Variants in CMSS1 observed in about 807,000 individuals in gnomAD.
CMSS1 encodes cms1 ribosomal small subunit homolog.
In CMSS1, 33 loss-of-function variants were observed where a neutral mutation model predicts 43.5. That is an observed-to-expected ratio of 0.76 (90% CI 0.57 to 1.01). The LOEUF (loss-of-function observed/expected upper bound fraction) is 1.01. CMSS1 is among the 50% of genes least tolerant of loss of function. The probability of loss-of-function intolerance (pLI) is 0.00; values close to 1 mark genes in which losing one functional copy is unlikely to be tolerated. For missense variants in CMSS1, 313 were observed against 326.4 expected (o/e 0.96, Z 0.32); for synonymous variants, 115 against 117.2 (o/e 0.98, Z 0.12).
At chr3:99,942,160 C>G (rs78126099) in intron 1 of CMSS1, among the ~76,000 whole-genome samples, 2,230 of 151,670 alleles carry the variant, frequency 0.015, 54 homozygotes, top group African/African-American at 0.052. Context: ...CGAGATCGTG[C>G]CACTGCACTC....
intron 1 of CMSS1, among the ~76,000 whole-genome samples, chr3:99,873,444 T>G (rs193001561): frequency 8.0e-4 from 122 of 152,280 alleles, no homozygotes; most frequent in Non-Finnish European, 1.4e-3. Flanking sequence ...CAATATCCAG[T>G]CTTTTATAAA....
At chr3:100,109,913 C>CA (rs1230326728) in intron 1 of CMSS1, 1 of 123,174 alleles carries the variant, frequency 8.1e-6, no homozygotes, top group African/African-American at 3.0e-5. Context: ...ACCCCCCCCC[C>CA]CCAGCACCAC....
chr3:100,098,086 T>C (rs1468927443), intron 1 of CMSS1, among the ~76,000 whole-genome samples: 1 of 152,204 alleles, frequency 6.6e-6, no homozygotes, highest in African/African-American at 2.4e-5. Context: ...AGGGACTACT[T>C]TGACTCTTGG....
At chr3:100,089,172 C>T (rs780741274) in intron 1 of CMSS1, among the ~76,000 whole-genome samples, 1 of 152,146 alleles carries the variant, frequency 6.6e-6, no homozygotes, top group Admixed American at 6.5e-5. Context: ...AGCTACTTTG[C>T]TAATACATTC....
intron 1 of CMSS1, among the ~76,000 whole-genome samples, chr3:99,919,722 G>A (rs1707064165): frequency 1.3e-5 from 2 of 151,992 alleles, no homozygotes; most frequent in Admixed American, 1.3e-4. Flanking sequence ...TGGAAAAATA[G>A]GCCTGTCATA....
At chr3:99,896,797 T>C (rs959634837) in intron 1 of CMSS1, among the ~76,000 whole-genome samples, 2 of 152,218 alleles carry the variant, frequency 1.3e-5, no homozygotes, top group African/African-American at 4.8e-5. Context: ...TGTTCCACAA[T>C]ATATTCATAA....
chr3:99,987,828 A>G (rs1209773769), intron 1 of CMSS1, among the ~76,000 whole-genome samples: 1 of 152,248 alleles, frequency 6.6e-6, no homozygotes, highest in Non-Finnish European at 1.5e-5. Flanking sequence ...TTAACTTAAA[A>G]AATAACATTC....
At chr3:99,935,813 T>C (rs1576584982) in intron 1 of CMSS1, among the ~76,000 whole-genome samples, 2 of 152,216 alleles carry the variant, frequency 1.3e-5, no homozygotes, top group Admixed American at 1.3e-4. Context: ...TCAGTTTTAC[T>C]TGGGCTTAAG....
chr3:100,043,359 T>C (rs1047862678), intron 1 of CMSS1, among the ~76,000 whole-genome samples: 1 of 152,360 alleles, frequency 6.6e-6, no homozygotes, highest in Non-Finnish European at 1.5e-5. Context: ...TTTTCAGCTA[T>C]ATTAAATATT....
intron 1 of CMSS1, among the ~76,000 whole-genome samples, chr3:100,121,610 T>A (rs2066622869): frequency 6.6e-6 from 1 of 152,206 alleles, no homozygotes; most frequent in Admixed American, 6.5e-5. Flanking sequence ...TGTGTATGTC[T>A]TTATCATAGA....
At chr3:99,911,321 T>C (rs1706780860) in intron 1 of CMSS1, among the ~76,000 whole-genome samples, 1 of 148,514 alleles carries the variant, frequency 6.7e-6, no homozygotes, top group South Asian at 2.1e-4. Context: ...TTATATATTA[T>C]ATAATATATA....
At chr3:100,000,969 C>G (rs556072249) in intron 1 of CMSS1, among the ~76,000 whole-genome samples, 1 of 152,308 alleles carries the variant, frequency 6.6e-6, no homozygotes, top group African/African-American at 2.4e-5. Context: ...ACTATGTTTT[C>G]TATAAGATAA....
intron 1 of CMSS1, among the ~76,000 whole-genome samples, chr3:100,053,452 T>C (rs1483836603): frequency 6.6e-6 from 1 of 152,192 alleles, no homozygotes; most frequent in Non-Finnish European, 1.5e-5. Flanking sequence ...CTTTACATAG[T>C]TGTCTTCCCT....
intron 1 of CMSS1, among the ~76,000 whole-genome samples, chr3:99,965,519 CT>C (rs1411720055): frequency 1.3e-5 from 2 of 152,016 alleles, no homozygotes; most frequent in African/African-American, 4.8e-5. Context: ...CTTCCAGATA[CT>C]TTTCTTCATT....
intron 1 of CMSS1, among the ~76,000 whole-genome samples, chr3:100,028,236 G>A (rs2064962890): frequency 6.6e-6 from 1 of 152,170 alleles, no homozygotes; most frequent in Admixed American, 6.5e-5. Flanking sequence ...AGGAAACTCA[G>A]ACACACTGAA....
At chr3:100,075,887 G>T (rs1324666029) in intron 1 of CMSS1, among the ~76,000 whole-genome samples, 2 of 152,060 alleles carry the variant, frequency 1.3e-5, no homozygotes, top group Admixed American at 6.6e-5. Flanking sequence ...AATCCTTCTG[G>T]GGTATTAGGA....
At chr3:99,902,729 G>A (rs533497527) in intron 1 of CMSS1, among the ~76,000 whole-genome samples, 17 of 152,236 alleles carry the variant, frequency 1.1e-4, no homozygotes, top group African/African-American at 4.1e-4. Context: ...TAAAAATCAG[G>A]CATATCCATG....
At chr3:99,920,026 C>G (rs1400987781) in intron 1 of CMSS1, among the ~76,000 whole-genome samples, 1 of 152,198 alleles carries the variant, frequency 6.6e-6, no homozygotes, top group Non-Finnish European at 1.5e-5. Flanking sequence ...TTCTGATTTA[C>G]AAAACTGAAC....
intron 1 of CMSS1, among the ~76,000 whole-genome samples, chr3:99,828,832 G>A (rs1942588035): frequency 6.6e-6 from 1 of 151,788 alleles, no homozygotes; most frequent in African/African-American, 2.4e-5. Flanking sequence ...TCCATTTCAG[G>A]CTTTTAATTC....
Sources: gnomAD v4.1 joint callset for allele counts (sites outside exome capture counted in the v4.1 genomes callset) on GRCh38, gnomAD v4.1.1 for gene constraint, MANE v1.5 for transcripts, NCBI Gene and HGNC (gene_info 2026-07-23, HGNC 2026-07-21) for gene names.